FBXO4: variants seen among roughly 807,000 people sequenced by gnomAD.
The protein encoded by FBXO4 is F-box only protein 4.
FBXO4 carries 36 observed loss-of-function variants against 43.7 expected under a neutral mutation model. The ratio of observed to expected loss-of-function variants is 0.82; its 90% CI spans 0.63 to 1.09. The LOEUF (loss-of-function observed/expected upper bound fraction) is 1.09, where lower values mean the gene tolerates loss of function less well. Ranked by LOEUF, FBXO4 falls within the 50% of genes least tolerant of loss-of-function variation. FBXO4 has a pLI of 0.00. For synonymous variants in FBXO4, 180 were observed against 165.6 expected, an observed-to-expected ratio of 1.09 and a Z score of -0.67; for missense variants, 435 against 474.1, an observed-to-expected ratio of 0.92 and a Z score of 0.77.
downstream of FBXO4, among the ~76,000 whole-genome samples, chr5:41,946,305 T>G (rs1752077093): frequency 6.6e-6 from 1 of 152,232 alleles, no homozygotes; most frequent in South Asian, 2.1e-4. Flanking sequence ...ATTATAGAAT[T>G]GTGTTTATAA....
chr5:41,964,308 A>ATT, the FBXO4 span, among the ~76,000 whole-genome samples: 1 of 151,364 alleles, frequency 6.6e-6, no homozygotes. Context: ...AAAGAGATTG[A>ATT]TTTTTTTTTA....
chr5:41,930,001 A>G, intron 3 of FBXO4, 84 bp downstream of exon 3: 1 of 1,155,104 alleles, frequency 8.7e-7, no homozygotes, highest in Non-Finnish European at 1.2e-6. Context: ...ATTTTAAATT[A>G]ATTATTTGCT....
chr5:41,939,540 A>G lies in FBXO4; in HGVS notation c.998A>G (p.Gln333Arg). ...TTGTTGGTTTTATCTTGTATTTCTC[A>G]AGGGGATGTAAAAAGAATGCCCTGT... ...RPLLVLSCISQGDVKRMPCFY... is the reference protein window; with the variant it reads ...RPLLVLSCISRGDVKRMPCFY... Residue 333 changes from glutamine (Q) to arginine (R), a missense_variant, in exon 6 of 7, where the codon CAA (glutamine) becomes CGA (arginine). Coordinates refer to ENST00000281623, the MANE Select transcript of FBXO4 (RefSeq NM_012176.3). The G allele has an allele frequency of 6.2e-7, 1 of 1,613,834 alleles. No individual in the cohort carries two copies. Among genetic ancestry groups the G allele is most frequent in the Non-Finnish European group, 8.5e-7 (1 of 1,179,826 alleles).
At chr5:42,006,595 T>C in the FBXO4 span, among the ~76,000 whole-genome samples, 1 of 152,050 alleles carries the variant, frequency 6.6e-6, no homozygotes, top group South Asian at 2.1e-4. Context: ...AAACTGTTAC[T>C]CATCAAGTAA....
downstream of FBXO4, among the ~76,000 whole-genome samples, chr5:41,943,151 G>T (rs1341172430): frequency 6.6e-6 from 1 of 152,090 alleles, no homozygotes; most frequent in Admixed American, 6.5e-5. Context: ...TAGCAAAGAA[G>T]ACATTAGACT....
chr5:41,997,791 G>A, the FBXO4 span, among the ~76,000 whole-genome samples: 1 of 152,132 alleles, frequency 6.6e-6, no homozygotes. Context: ...CTGGTAAAAG[G>A]CTGGGAGGTC....
chr5:41,939,553 A>C lies in FBXO4; in HGVS notation c.1011A>C (p.Lys337Asn). 2 of 1,613,818 alleles carry C rather than the reference A, an allele frequency of 1.2e-6. No individual in the cohort carries two copies. Among genetic ancestry groups the C allele is most frequent in the South Asian group, 2.2e-5 (2 of 91,056 alleles). Reference protein sequence around the residue: ...VLSCISQGDVKRMPCFYLAHE... With the variant: ...VLSCISQGDVNRMPCFYLAHE... ...CTTGTATTTCTCAAGGGGATGTAAA[A>C]AGAATGCCCTGTTTTTATTTGGCTC... is the stretch of plus-strand genomic sequence containing the variant. Residue 337 changes from lysine (K) to asparagine (N), a missense_variant, in exon 6 of 7, where the codon AAA (lysine) becomes AAC (asparagine). By Grantham distance (94) the Lys-to-Asn change is moderately conservative. Coordinates refer to ENST00000281623, the MANE Select transcript of FBXO4 (RefSeq NM_012176.3).
At chr5:41,979,573 T>G in the FBXO4 span, among the ~76,000 whole-genome samples, 1 of 152,170 alleles carries the variant, frequency 6.6e-6, no homozygotes, top group South Asian at 2.1e-4. Flanking sequence ...CATGGCCAGT[T>G]TCAAACTACC....
the FBXO4 span, among the ~76,000 whole-genome samples, chr5:42,035,068 T>C: frequency 6.6e-6 from 1 of 152,040 alleles, no homozygotes; most frequent in Non-Finnish European, 1.5e-5. Context: ...AGGTATTTTA[T>C]TCTCTTTGTA....
rs1432039540 is a variant in FBXO4, at chr5:41,941,335, G to A, written c.*54G>A. The A allele has an allele frequency of 1.6e-5, 24 of 1,501,032 alleles. No individual in the cohort carries two copies. The highest frequency in any genetic ancestry group is 3.4e-5 in the South Asian group (3 of 88,232). 93.0% of individuals were successfully genotyped at this position (1,501,032 alleles called of 1,614,324 possible). A position where few individuals can be genotyped will look rare whatever the true frequency, so the allele number is the denominator to read the frequency against. On this transcript the variant is annotated 3_prime_UTR_variant, in exon 7 of 7. Transcript: ENST00000281623. ...CCATTTGAAATTTATTACTAAGGTCGTGATGTGAATATTTGCTCAGTCAGC... is the reference window on the plus strand; with the variant it reads ...CCATTTGAAATTTATTACTAAGGTCATGATGTGAATATTTGCTCAGTCAGC...
chr5:41,989,266 T>A, the FBXO4 span, among the ~76,000 whole-genome samples: 1 of 152,170 alleles, frequency 6.6e-6, no homozygotes, highest in Non-Finnish European at 1.5e-5. Flanking sequence ...GATTCAAATG[T>A]CAGCAGTCAA....
At chr5:41,939,102 C>T (rs1188594446) in intron 5 of FBXO4, among the ~76,000 whole-genome samples, 1 of 152,170 alleles carries the variant, frequency 6.6e-6, no homozygotes, top group African/African-American at 2.4e-5. Context: ...AAAATTCTGC[C>T]TACCACAAAA....
the FBXO4 span, among the ~76,000 whole-genome samples, chr5:42,036,015 G>T: frequency 4.6e-5 from 7 of 152,030 alleles, no homozygotes; most frequent in Non-Finnish European, 1.5e-5. Flanking sequence ...TCAACACAGT[G>T]AAAAAGGCAA....
the FBXO4 span, among the ~76,000 whole-genome samples, chr5:41,987,286 G>A: frequency 6.6e-6 from 1 of 151,984 alleles, no homozygotes; most frequent in Non-Finnish European, 1.5e-5. Flanking sequence ...TCTCTCTTCC[G>A]AACTTGACTT....
the FBXO4 span, among the ~76,000 whole-genome samples, chr5:42,015,508 T>G: frequency 2.0e-5 from 3 of 152,296 alleles, no homozygotes; most frequent in South Asian, 6.2e-4. Context: ...TATTACCAGT[T>G]CATCAGATAC....
At chr5:41,959,697 C>T in the FBXO4 span, among the ~76,000 whole-genome samples, 1 of 152,076 alleles carries the variant, frequency 6.6e-6, no homozygotes, top group African/African-American at 2.4e-5. Flanking sequence ...TTCCTGGACT[C>T]TCTATTCTGC....
At chr5:42,013,929 CTT>C in the FBXO4 span, among the ~76,000 whole-genome samples, 1 of 152,166 alleles carries the variant, frequency 6.6e-6, no homozygotes, top group African/African-American at 2.4e-5. Flanking sequence ...AGAATGGTCT[CTT>C]AGCTTCCCTG....
the FBXO4 span, among the ~76,000 whole-genome samples, chr5:41,984,008 T>C: frequency 6.6e-6 from 1 of 152,114 alleles, no homozygotes; most frequent in African/African-American, 2.4e-5. Context: ...TAATTTCATA[T>C]GTTCTTCTCA....
At chr5:42,002,572 T>C in the FBXO4 span, among the ~76,000 whole-genome samples, 194 of 152,326 alleles carry the variant, frequency 1.3e-3, no homozygotes, top group African/African-American at 4.3e-3. Flanking sequence ...GAAGTAGCTA[T>C]AGCCTTTTAG....
Sources: allele counts gnomAD v4.1 joint callset (sites outside exome capture counted in the v4.1 genomes callset), GRCh38; gene constraint gnomAD v4.1.1; transcripts MANE v1.5; gene names NCBI Gene and HGNC (gene_info 2026-07-23, HGNC 2026-07-21).